AUTS2: variants seen among roughly 807,000 people sequenced by gnomAD.
AUTS2 encodes the protein autism susceptibility gene 2 protein.
A neutral mutation model predicts 112.4 loss-of-function variants in AUTS2; 17 were observed. The ratio of observed to expected loss-of-function variants is 0.15; its 90% CI spans 0.10 to 0.23. The LOEUF (loss-of-function observed/expected upper bound fraction) is 0.23. AUTS2 is among the 10% of genes least tolerant of loss of function. AUTS2 has a pLI of 1.00. For missense variants in AUTS2, 1,510 were observed against 1,701.6 expected, an observed-to-expected ratio of 0.89 and a Z score of 1.98; for synonymous variants, 751 against 702.7, an observed-to-expected ratio of 1.07 and a Z score of -1.09.
At chr7:69,718,686 A>G (rs1798752300) in intron 1 of AUTS2, among the ~76,000 whole-genome samples, 2 of 152,100 alleles carry the variant, frequency 1.3e-5, no homozygotes, top group Non-Finnish European at 2.9e-5. Context: ...CCCCTTTGCT[A>G]TGTGTAGTAA....
intron 4 of AUTS2, among the ~76,000 whole-genome samples, chr7:70,260,967 T>C (rs1374392155): frequency 6.6e-6 from 1 of 152,078 alleles, no homozygotes; most frequent in African/African-American, 2.4e-5. Context: ...CAGGATGGTC[T>C]CGATCCCCTA....
chr7:69,972,005 A>G (rs1448890623), intron 2 of AUTS2, among the ~76,000 whole-genome samples: 2 of 152,166 alleles, frequency 1.3e-5, no homozygotes, highest in African/African-American at 4.8e-5. Flanking sequence ...GAAGCCACCA[A>G]ACTGTCTTCC....
At chr7:69,636,826 C>T (rs183077324) in intron 1 of AUTS2, among the ~76,000 whole-genome samples, 60 of 152,084 alleles carry the variant, frequency 3.9e-4, no homozygotes, top group Non-Finnish European at 6.9e-4. Context: ...AGTACAGTGG[C>T]GCGATCTCGG....
At chr7:70,494,434 C>A (rs1342904716) in intron 5 of AUTS2, among the ~76,000 whole-genome samples, 2 of 152,114 alleles carry the variant, frequency 1.3e-5, no homozygotes, top group African/African-American at 4.8e-5. Flanking sequence ...TTGTCTGGGG[C>A]CCATGGCGAG....
At chr7:69,769,889 G>A (rs889126879) in intron 1 of AUTS2, among the ~76,000 whole-genome samples, 1 of 152,230 alleles carries the variant, frequency 6.6e-6, no homozygotes, top group African/African-American at 2.4e-5. Flanking sequence ...TGAAATATAT[G>A]TTAAACCTTC....
At chr7:70,380,974 A>G (rs1377083680) in intron 4 of AUTS2, among the ~76,000 whole-genome samples, 2 of 152,266 alleles carry the variant, frequency 1.3e-5, no homozygotes. Context: ...ATCCATTAAC[A>G]TAGAAGAGTA....
At chr7:70,485,145 G>A (rs1167591312) in intron 5 of AUTS2, among the ~76,000 whole-genome samples, 5 of 152,036 alleles carry the variant, frequency 3.3e-5, no homozygotes, top group Non-Finnish European at 5.9e-5. Context: ...TCTATCCAAA[G>A]GAAAAGAAGT....
At chr7:70,455,984 C>G (rs959291132) in intron 5 of AUTS2, among the ~76,000 whole-genome samples, 7 of 152,184 alleles carry the variant, frequency 4.6e-5, no homozygotes, top group Admixed American at 3.3e-4. Flanking sequence ...CAGTCACCTA[C>G]CGGCCTCTAA....
intron 4 of AUTS2, chr7:70,293,076 G>C (rs1788779622): frequency 6.6e-6 from 1 of 152,156 alleles, no homozygotes; most frequent in African/African-American, 2.4e-5. Flanking sequence ...CTTCTGAGCA[G>C]GTAGATGGTC....
At chr7:70,574,657 G>A (rs1038372592) in intron 5 of AUTS2, among the ~76,000 whole-genome samples, 5 of 152,184 alleles carry the variant, frequency 3.3e-5, no homozygotes, top group African/African-American at 4.8e-5. Context: ...CTTTCATGGT[G>A]AATTAGGACT....
intron 2 of AUTS2, among the ~76,000 whole-genome samples, chr7:69,932,299 TC>T (rs1796255170): frequency 6.6e-6 from 1 of 152,162 alleles, no homozygotes; most frequent in South Asian, 2.1e-4. Context: ...GAGTAGAGCA[TC>T]CCAGCTGGTA....
At chr7:70,405,456 C>T (rs1276375192) in intron 4 of AUTS2, among the ~76,000 whole-genome samples, 1 of 152,162 alleles carries the variant, frequency 6.6e-6, no homozygotes, top group African/African-American at 2.4e-5. Flanking sequence ...TTTTACATTC[C>T]ATCAGAATGA....
chr7:70,071,794 C>T (rs905375591), intron 2 of AUTS2, among the ~76,000 whole-genome samples: 3 of 152,092 alleles, frequency 2.0e-5, no homozygotes, highest in African/African-American at 7.2e-5. Context: ...TAGCTAGAGG[C>T]GTTTAGACAA....
At chr7:70,546,735 T>C (rs999611086) in intron 5 of AUTS2, among the ~76,000 whole-genome samples, 2 of 149,368 alleles carry the variant, frequency 1.3e-5, no homozygotes, top group Non-Finnish European at 3.0e-5. Context: ...GCTGAGATCA[T>C]GCCACTGCAC....
chr7:70,074,544 A>G (rs1802935711), intron 2 of AUTS2, among the ~76,000 whole-genome samples: 2 of 152,172 alleles, frequency 1.3e-5, no homozygotes, highest in South Asian at 4.1e-4. Flanking sequence ...AACCCTGTTT[A>G]AGGATTAGTG....
At chr7:70,647,793 A>G (rs1455125243) in intron 5 of AUTS2, among the ~76,000 whole-genome samples, 1 of 152,204 alleles carries the variant, frequency 6.6e-6, no homozygotes, top group Non-Finnish European at 1.5e-5. Flanking sequence ...ACGTGGTACA[A>G]GGACTGCATG....
chr7:69,694,417 G>A (rs1324030546), intron 1 of AUTS2, among the ~76,000 whole-genome samples: 2 of 152,060 alleles, frequency 1.3e-5, no homozygotes, highest in Non-Finnish European at 2.9e-5. Flanking sequence ...GCCATGTTTG[G>A]GGAAAAAAGT....
intron 5 of AUTS2, chr7:70,436,249 G>T: frequency 6.5e-6 from 1 of 154,850 alleles, no homozygotes; most frequent in Non-Finnish European, 1.4e-5. Context: ...TCTCATCATG[G>T]GGTACGGGTG....
At chr7:70,203,394 C>G (rs1244186579) in intron 4 of AUTS2, among the ~76,000 whole-genome samples, 2 of 141,622 alleles carry the variant, frequency 1.4e-5, no homozygotes, top group Admixed American at 7.0e-5. Context: ...GAGAAGTAGA[C>G]TGACATTGTA....
Sources: gnomAD v4.1 joint callset for allele counts (sites outside exome capture counted in the v4.1 genomes callset) on GRCh38, gnomAD v4.1.1 for gene constraint, MANE v1.5 for transcripts, NCBI Gene and HGNC (gene_info 2026-07-23, HGNC 2026-07-21) for gene names.